The following CTNND2 variants were observed in gnomAD, a reference collection of about 807,000 sequenced individuals.
The protein encoded by CTNND2 is catenin delta-2.
CTNND2 carries 22 observed loss-of-function variants against 144.4 expected under a neutral mutation model. The ratio of observed to expected loss-of-function variants is 0.15; its 90% CI spans 0.11 to 0.22. CTNND2 has a LOEUF of 0.22. CTNND2 is among the 10% of genes least tolerant of loss of function. CTNND2 has a pLI of 1.00. For missense variants in CTNND2, 1,353 were observed against 1,618.8 expected (o/e 0.84, Z 2.82); for synonymous variants, 751 against 695.6 (o/e 1.08, Z -1.25).
rs1416998066 is a variant in CTNND2, at chr5:11,903,830, G to A, written c.24C>T (p.Gly8=). 6.7e-7 allele frequency: 1 copy of A among 1,482,510 alleles called. No homozygotes were observed. The highest frequency in any genetic ancestry group is 3.0e-5 in the East Asian group (1 of 33,852). The allele number at this position is 1,482,510 out of a possible 1,614,324, so 91.8% of individuals were successfully genotyped here. The stretch of plus-strand genomic sequence containing the variant: ...CCCGCAACTCACCCAAAGGCGCGGC[G>A]CCCGGCGGCTTCCTCGCAAACATGC... The part of the protein sequence containing the change: MFARKPP[G]AAPLGAMPVP... Residue 8 remains glycine, a synonymous_variant, in exon 1 of 22, where the codon GGC becomes GGT. Coordinates refer to ENST00000304623, the MANE Select transcript of CTNND2 (RefSeq NM_001332.4). The surrounding 1 kb of genome is among the most constrained non-coding windows in gnomAD (Gnocchi z 5.4).
chr5:11,311,988 A>C (rs1750965774), intron 9 of CTNND2, among the ~76,000 whole-genome samples: 1 of 132,068 alleles, frequency 7.6e-6, no homozygotes. Context: ...CACACTACCC[A>C]TATATGCACC....
At chr5:11,462,291 G>A (rs559341822) in intron 3 of CTNND2, among the ~76,000 whole-genome samples, 68 of 152,258 alleles carry the variant, frequency 4.5e-4, no homozygotes, top group Admixed American at 1.2e-3. Context: ...GACCTCGTGG[G>A]CATAGGACTT....
chr5:11,093,717 T>A (rs1345092872), intron 15 of CTNND2, among the ~76,000 whole-genome samples: 1 of 152,194 alleles, frequency 6.6e-6, no homozygotes, highest in South Asian at 2.1e-4. Flanking sequence ...GAAATACCAC[T>A]AAATTTTAAC....
intron 1 of CTNND2, among the ~76,000 whole-genome samples, chr5:11,804,957 TA>T (rs1791910540): frequency 6.6e-6 from 1 of 152,160 alleles, no homozygotes; most frequent in East Asian, 1.9e-4. Flanking sequence ...GTGTTCTAAG[TA>T]ACTTTGGAAA....
At chr5:11,427,954 G>C (rs1361512269) in intron 3 of CTNND2, among the ~76,000 whole-genome samples, 3 of 152,120 alleles carry the variant, frequency 2.0e-5, no homozygotes, top group Non-Finnish European at 4.4e-5. Flanking sequence ...CAGAATCATG[G>C]GGGGAGGCGA....
At chr5:11,272,902 T>C (rs1746164780) in intron 9 of CTNND2, among the ~76,000 whole-genome samples, 1 of 152,314 alleles carries the variant, frequency 6.6e-6, no homozygotes, top group African/African-American at 2.4e-5. Context: ...GACCACCTCC[T>C]TTTATTGTAC....
At chr5:11,308,066 C>T (rs1224517664) in intron 9 of CTNND2, among the ~76,000 whole-genome samples, 1 of 152,224 alleles carries the variant, frequency 6.6e-6, no homozygotes, top group Non-Finnish European at 1.5e-5. Flanking sequence ...TGCTGTCTTG[C>T]TCTCAGACTT....
intron 18 of CTNND2, among the ~76,000 whole-genome samples, chr5:11,004,600 C>A (rs1740286684): frequency 6.6e-6 from 1 of 151,972 alleles, no homozygotes; most frequent in African/African-American, 2.4e-5. Context: ...CCTGTCTCTA[C>A]TAAAAGTACA....
intron 10 of CTNND2, among the ~76,000 whole-genome samples, chr5:11,227,940 T>C (rs138385989): frequency 1.6e-3 from 248 of 152,216 alleles, no homozygotes; most frequent in Non-Finnish European, 2.4e-3. Flanking sequence ...AGCATGGCCA[T>C]CAGTGTAGGA....
intron 17 of CTNND2, among the ~76,000 whole-genome samples, chr5:11,021,637 T>C (rs1742267301): frequency 6.6e-6 from 1 of 152,204 alleles, no homozygotes; most frequent in African/African-American, 2.4e-5. Flanking sequence ...AAATTGTTGA[T>C]TGAGCCTATT....
intron 1 of CTNND2, among the ~76,000 whole-genome samples, chr5:11,751,604 T>A (rs574742282): frequency 1.8e-3 from 278 of 152,034 alleles, no homozygotes; most frequent in African/African-American, 6.2e-3. Context: ...ACAGTGTATA[T>A]CTGCCACACT....
chr5:11,389,846 AT>A (rs138078762), intron 6 of CTNND2, among the ~76,000 whole-genome samples: 50,816 of 151,854 alleles, frequency 0.33, 10,232 homozygotes, highest in East Asian at 0.51. Flanking sequence ...TTGCTTTCTG[AT>A]GGTATAATGT....
chr5:11,304,319 C>T, intron 9 of CTNND2, among the ~76,000 whole-genome samples: 1 of 108,228 alleles, frequency 9.2e-6, no homozygotes, highest in Admixed American at 8.1e-5. Flanking sequence ...ACGGACACAC[C>T]ACACACACAC....
At chr5:11,234,608 T>C (rs986953749) in intron 10 of CTNND2, among the ~76,000 whole-genome samples, 1 of 152,186 alleles carries the variant, frequency 6.6e-6, no homozygotes, top group Non-Finnish European at 1.5e-5. Flanking sequence ...GAAACAAGTC[T>C]ACAGCTGCTG....
At position 11,305,322 on chromosome 5, in the gene CTNND2, C is replaced by T. The variant is rs181797735; in HGVS notation, c.1628+41050G>A. ...AGAATGGGCCTCAGCATCAGGCTCC[C>T]AATCCTGGCTTCTAACTGCTGCGCT... On this transcript the variant is annotated intron_variant, in intron 9 of 21. Coordinates refer to ENST00000304623, the MANE Select transcript of CTNND2 (RefSeq NM_001332.4). 1.5e-4 allele frequency among the ~76,000 whole-genome samples: 23 copies of T among 152,298 alleles called. No individual in the cohort carries two copies. The East Asian group carries it at 2.3e-3, about 15-fold the overall frequency.
chr5:10,999,145 TAAG>T (rs374693957), intron 18 of CTNND2, among the ~76,000 whole-genome samples: 343 of 152,332 alleles, frequency 2.3e-3, no homozygotes, highest in African/African-American at 7.9e-3. Flanking sequence ...ACTTTTTAAA[TAAG>T]AAGGGAAAGT....
chr5:11,880,197 T>C (rs1037993309), intron 1 of CTNND2, among the ~76,000 whole-genome samples: 3 of 152,116 alleles, frequency 2.0e-5, no homozygotes, highest in African/African-American at 7.2e-5. Context: ...ATTATGCTCA[T>C]GTGTAAGAGG....
intron 2 of CTNND2, 25 bp from the exon 3 acceptor site, chr5:11,565,081 C>T: frequency 6.7e-7 from 1 of 1,503,250 alleles, no homozygotes; most frequent in Middle Eastern, 1.7e-4. Context: ...TCAACAAGAT[C>T]AATTCAATCA....
At chr5:11,014,671 T>C (rs892469937) in intron 18 of CTNND2, among the ~76,000 whole-genome samples, 2 of 152,206 alleles carry the variant, frequency 1.3e-5, no homozygotes, top group African/African-American at 4.8e-5. Flanking sequence ...TACACCCAGC[T>C]GGAAGAATAT....
Sources: gnomAD v4.1 joint callset for allele counts (sites outside exome capture counted in the v4.1 genomes callset) on GRCh38, gnomAD v4.1.1 for gene constraint, Gnocchi (gnomAD v3.1) non-coding constraint, MANE v1.5 for transcripts, NCBI Gene and HGNC (gene_info 2026-07-23, HGNC 2026-07-21) for gene names.